The following RGS6 variants were observed in gnomAD, a reference collection of about 807,000 sequenced individuals.
RGS6 encodes the protein regulator of G protein signaling 6.
RGS6 carries 30 observed loss-of-function variants against 78.5 expected under a neutral mutation model. The ratio of observed to expected loss-of-function variants is 0.38; its 90% CI spans 0.29 to 0.52. The LOEUF (loss-of-function observed/expected upper bound fraction) is 0.52. Among genes scored for constraint, RGS6 ranks in the 20% least tolerant of loss-of-function variants. The pLI, the probability that RGS6 is intolerant of heterozygous loss-of-function variation, is 0.85. For synonymous variants in RGS6, 206 were observed against 206.0 expected (o/e 1.00, Z 0.00); for missense variants, 495 against 609.7 (o/e 0.81, Z 1.98).
At chr14:71,875,093 T>C in the RGS6 span, among the ~76,000 whole-genome samples, 1 of 152,100 alleles carries the variant, frequency 6.6e-6, no homozygotes, top group Non-Finnish European at 1.5e-5. Context: ...GGGATATTGG[T>C]CTAAAATTCT....
intron 15 of RGS6, among the ~76,000 whole-genome samples, chr14:72,535,942 A>G (rs950039590): frequency 3.9e-5 from 6 of 152,140 alleles, no homozygotes; most frequent in Admixed American, 2.0e-4. Context: ...CCCAAGCCCA[A>G]TTACAAATCC....
chr14:72,097,682 C>G (rs1432627198), intron 2 of RGS6, among the ~76,000 whole-genome samples: 4 of 152,198 alleles, frequency 2.6e-5, no homozygotes, highest in African/African-American at 9.6e-5. Context: ...CTTCCTCCCC[C>G]TCCTCTGCCG....
intron 13 of RGS6, among the ~76,000 whole-genome samples, chr14:72,501,571 G>T (rs936840703): frequency 6.6e-6 from 1 of 152,174 alleles, no homozygotes; most frequent in Non-Finnish European, 1.5e-5. Context: ...GATTGCCAGG[G>T]CTTCTCATTG....
chr14:72,599,407 T>TGTTTG, the RGS6 span, among the ~76,000 whole-genome samples: 1 of 115,548 alleles, frequency 8.7e-6, no homozygotes, highest in South Asian at 3.3e-4. Context: ...TTTTTTTTTT[T>TGTTTG]TTTTTTTTTT....
intron 2 of RGS6, among the ~76,000 whole-genome samples, chr14:72,075,205 T>C (rs1459604187): frequency 6.6e-6 from 1 of 152,190 alleles, no homozygotes; most frequent in East Asian, 1.9e-4. Flanking sequence ...AACTCGCCCA[T>C]TTTCCCATGG....
intron 12 of RGS6, among the ~76,000 whole-genome samples, chr14:72,494,293 A>G (rs1044739229): frequency 2.0e-5 from 3 of 152,354 alleles, no homozygotes; most frequent in African/African-American, 7.2e-5. Flanking sequence ...AAATTGTAAC[A>G]CAAATCTATT....
the RGS6 span, among the ~76,000 whole-genome samples, chr14:72,578,301 T>C: frequency 1.3e-5 from 2 of 152,136 alleles, no homozygotes; most frequent in African/African-American, 4.8e-5. Context: ...ACCCCCTGGG[T>C]CCCACCTCCT....
chr14:72,144,819 G>A (rs980659570), intron 2 of RGS6, among the ~76,000 whole-genome samples: 1 of 151,346 alleles, frequency 6.6e-6, no homozygotes, highest in East Asian at 1.9e-4. Flanking sequence ...CAGAGCCAAT[G>A]TATCGAGACA....
chr14:72,032,745 G>A (rs1476062335), intron 2 of RGS6, among the ~76,000 whole-genome samples: 1 of 152,068 alleles, frequency 6.6e-6, no homozygotes, highest in Non-Finnish European at 1.5e-5. Flanking sequence ...TTAGCATAAT[G>A]TTCTCAAGGT....
intron 2 of RGS6, among the ~76,000 whole-genome samples, chr14:72,156,041 G>T (rs80324460): frequency 6.6e-6 from 1 of 152,206 alleles, no homozygotes; most frequent in African/African-American, 2.4e-5. Context: ...TGGATCTGGG[G>T]TGCAGCCTGG....
chr14:72,158,332 T>C (rs1023767905), intron 2 of RGS6, among the ~76,000 whole-genome samples: 1 of 152,224 alleles, frequency 6.6e-6, no homozygotes, highest in Admixed American at 6.5e-5. Context: ...ACCAGTCATA[T>C]TGGATTAGGG....
intron 2 of RGS6, among the ~76,000 whole-genome samples, chr14:72,311,709 A>C (rs573865346): frequency 3.3e-5 from 5 of 152,312 alleles, no homozygotes; most frequent in South Asian, 2.1e-4. Context: ...ACATTCTCAA[A>C]GTGCTCCATT....
chr14:72,022,217 T>C (rs1477870061), intron 2 of RGS6, among the ~76,000 whole-genome samples: 1 of 152,180 alleles, frequency 6.6e-6, no homozygotes, highest in Admixed American at 6.6e-5. Flanking sequence ...TTTGCTATTG[T>C]GAAGAGTGCT....
intron 17 of RGS6, among the ~76,000 whole-genome samples, chr14:72,556,050 A>G (rs1360688854): frequency 6.6e-6 from 1 of 152,182 alleles, no homozygotes; most frequent in Non-Finnish European, 1.5e-5. Context: ...GTCCTTTTAC[A>G]TTTAATCCAG....
the RGS6 span, among the ~76,000 whole-genome samples, chr14:71,888,151 G>A: frequency 1.3e-5 from 2 of 152,166 alleles, no homozygotes; most frequent in African/African-American, 2.4e-5. Context: ...ACTGAGGCAG[G>A]AGAATCACTT....
chr14:72,233,951 A>C (rs1432763155), intron 2 of RGS6, among the ~76,000 whole-genome samples: 1 of 152,094 alleles, frequency 6.6e-6, no homozygotes, highest in African/African-American at 2.4e-5. Flanking sequence ...TGGTGCAGGG[A>C]GATTCTAATC....
intron 2 of RGS6, among the ~76,000 whole-genome samples, chr14:72,237,454 T>G (rs2153819201): frequency 6.6e-6 from 1 of 152,242 alleles, no homozygotes; most frequent in East Asian, 1.9e-4. Flanking sequence ...ACATGACATG[T>G]TGGGTTTTAC....
chr14:72,434,937 C>T (rs1320812604), intron 3 of RGS6, among the ~76,000 whole-genome samples: 2 of 152,186 alleles, frequency 1.3e-5, no homozygotes, highest in Non-Finnish European at 2.9e-5. Context: ...TTCTTAGTAG[C>T]TTTGCTCATG....
At chr14:72,559,875 G>A (rs866181771) in intron 17 of RGS6, among the ~76,000 whole-genome samples, 4 of 152,160 alleles carry the variant, frequency 2.6e-5, no homozygotes, top group Admixed American at 1.3e-4. Context: ...GGGAAGGGTT[G>A]AGGGTATGGA....
Sources: gnomAD v4.1 joint callset for allele counts (sites outside exome capture counted in the v4.1 genomes callset) on GRCh38, gnomAD v4.1.1 for gene constraint, MANE v1.5 for transcripts, NCBI Gene and HGNC (gene_info 2026-07-23, HGNC 2026-07-21) for gene names.